LUZP2: variants seen among roughly 807,000 people sequenced by gnomAD.
LUZP2 encodes the protein leucine zipper protein 2.
In LUZP2, 52 loss-of-function variants were observed where a neutral mutation model predicts 51.6. The ratio of observed to expected loss-of-function variants is 1.01; its 90% CI spans 0.81 to 1.27. The LOEUF (loss-of-function observed/expected upper bound fraction) is 1.27. Among genes scored for constraint, LUZP2 ranks in the 50% most tolerant of loss-of-function variants. The pLI, the probability that LUZP2 is intolerant of heterozygous loss-of-function variation, is 0.00. For missense variants in LUZP2, 436 were observed against 395.4 expected (o/e 1.10, Z -0.87); for synonymous variants, 154 against 137.3 (o/e 1.12, Z -0.85).
At chr11:25,053,414 A>T (rs566386370) in intron 10 of LUZP2, among the ~76,000 whole-genome samples, 1 of 152,162 alleles carries the variant, frequency 6.6e-6, no homozygotes, top group South Asian at 2.1e-4. Flanking sequence ...CTTTATTGAG[A>T]TATAACTTAC....
intron 1 of LUZP2, among the ~76,000 whole-genome samples, chr11:24,682,424 G>A (rs1368126073): frequency 6.6e-6 from 1 of 151,488 alleles, no homozygotes; most frequent in Non-Finnish European, 1.5e-5. Flanking sequence ...GGACCTGGGA[G>A]GCAAAGGTTG....
At chr11:24,619,718 T>C (rs1322265132) in intron 1 of LUZP2, among the ~76,000 whole-genome samples, 3 of 152,218 alleles carry the variant, frequency 2.0e-5, no homozygotes, top group Non-Finnish European at 4.4e-5. Flanking sequence ...TCTATGTATA[T>C]GATCTTGTAT....
intron 4 of LUZP2, among the ~76,000 whole-genome samples, chr11:24,747,531 C>T (rs893806069): frequency 6.6e-6 from 1 of 152,118 alleles, no homozygotes; most frequent in Non-Finnish European, 1.5e-5. Flanking sequence ...TGGCCTCCTG[C>T]CAGCACGAGG....
intron 1 of LUZP2, among the ~76,000 whole-genome samples, chr11:24,598,177 T>G (rs1853507996): frequency 1.3e-5 from 2 of 151,816 alleles, no homozygotes; most frequent in African/African-American, 4.8e-5. Flanking sequence ...TGTTGGATTG[T>G]GCCCTGTAGA....
chr11:24,996,873 G>C (rs1252974488), intron 9 of LUZP2, among the ~76,000 whole-genome samples: 5 of 151,654 alleles, frequency 3.3e-5, no homozygotes, highest in African/African-American at 1.2e-4. Flanking sequence ...GCGGTGTTTG[G>C]TTTTTTGTTC....
At chr11:25,030,890 ATTATATATATATATAATATATATTG>A in intron 9 of LUZP2, among the ~76,000 whole-genome samples, 1 of 10,056 alleles carries the variant, frequency 9.9e-5, no homozygotes, top group Non-Finnish European at 2.1e-4. Flanking sequence ...TACTATATAT[ATTATATATATATATAATATATATTG>A]TATTATATAT....
At chr11:24,678,943 C>A (rs1238296935) in intron 1 of LUZP2, among the ~76,000 whole-genome samples, 2 of 152,192 alleles carry the variant, frequency 1.3e-5, no homozygotes, top group Non-Finnish European at 2.9e-5. Context: ...CGCAAGAGAA[C>A]AATCCTTGGC....
intron 5 of LUZP2, among the ~76,000 whole-genome samples, chr11:24,828,128 G>A (rs2631502): frequency 0.18 from 27,292 of 151,904 alleles, 2,680 homozygotes; most frequent in African/African-American, 0.26. Context: ...TGAAAGATAG[G>A]TAAGTGAGCA....
intron 5 of LUZP2, among the ~76,000 whole-genome samples, chr11:24,822,961 TGTA>T (rs1850403835): frequency 6.6e-6 from 1 of 152,214 alleles, no homozygotes; most frequent in Non-Finnish European, 1.5e-5. Flanking sequence ...GTTGCACAAA[TGTA>T]GTAATAATCA....
intron 9 of LUZP2, among the ~76,000 whole-genome samples, chr11:25,023,493 C>G (rs1857398918): frequency 6.6e-6 from 1 of 152,046 alleles, no homozygotes; most frequent in African/African-American, 2.4e-5. Flanking sequence ...TTGATATCCC[C>G]TTTATCATTT....
chr11:24,981,884 C>A (rs893273492), intron 8 of LUZP2, among the ~76,000 whole-genome samples: 2 of 151,682 alleles, frequency 1.3e-5, no homozygotes, highest in Non-Finnish European at 2.9e-5. Context: ...TAATATCCAG[C>A]ATATACAAGG....
chr11:24,579,053 T>C (rs1014551071), intron 1 of LUZP2, among the ~76,000 whole-genome samples: 10 of 152,134 alleles, frequency 6.6e-5, no homozygotes, highest in Non-Finnish European at 1.5e-4. Context: ...TAAATATAAT[T>C]AATACCATAG....
chr11:24,880,273 C>T (rs553893051), intron 5 of LUZP2, among the ~76,000 whole-genome samples: 1 of 121,150 alleles, frequency 8.3e-6, no homozygotes, highest in African/African-American at 2.8e-5. Context: ...CTGCGCTCTC[C>T]CTCTCCCAAA....
intron 5 of LUZP2, among the ~76,000 whole-genome samples, chr11:24,835,101 C>T (rs907830808): frequency 6.6e-6 from 1 of 151,964 alleles, no homozygotes; most frequent in South Asian, 2.1e-4. Context: ...ATACTGGTAC[C>T]AAAACAGATA....
chr11:24,909,701 G>A (rs903582682), intron 6 of LUZP2, among the ~76,000 whole-genome samples: 1 of 151,992 alleles, frequency 6.6e-6, no homozygotes, highest in African/African-American at 2.4e-5. Flanking sequence ...TATCTTAGAG[G>A]GCCTCCCCAG....
At chr11:25,054,948 T>G (rs964471836) in intron 10 of LUZP2, among the ~76,000 whole-genome samples, 6 of 3,398 alleles carry the variant, frequency 1.8e-3, no homozygotes, top group Middle Eastern at 0.083. Flanking sequence ...TTAATAATAC[T>G]GTTTTTTTTT....
chr11:24,707,812 T>C (rs1237088818), intron 1 of LUZP2, among the ~76,000 whole-genome samples: 1 of 152,190 alleles, frequency 6.6e-6, no homozygotes, highest in East Asian at 1.9e-4. Flanking sequence ...AAATTTTCTT[T>C]TTAATTCTCA....
chr11:25,046,401 A>G (rs1265121536), intron 9 of LUZP2, among the ~76,000 whole-genome samples: 1 of 152,076 alleles, frequency 6.6e-6, no homozygotes, highest in East Asian at 1.9e-4. Context: ...TCATATTGGG[A>G]AATACAATTT....
intron 1 of LUZP2, among the ~76,000 whole-genome samples, chr11:24,559,972 C>T (rs368476217): frequency 9.9e-4 from 151 of 151,990 alleles, no homozygotes; most frequent in African/African-American, 3.5e-3. Context: ...TGGGACCTGT[C>T]GGGGGGTGGC....
Sources: gnomAD v4.1 joint callset for allele counts (sites outside exome capture counted in the v4.1 genomes callset) on GRCh38, gnomAD v4.1.1 for gene constraint, MANE v1.5 for transcripts, NCBI Gene and HGNC (gene_info 2026-07-23, HGNC 2026-07-21) for gene names.